Variants in WDR27 observed in about 807,000 individuals in gnomAD.
The protein encoded by WDR27 is WD repeat domain 27.
A neutral mutation model predicts 114.4 loss-of-function variants in WDR27; 100 were observed. The observed-to-expected ratio is 0.87, with a 90% CI of 0.74 to 1.03. The LOEUF is 1.03. Among genes scored for constraint, WDR27 ranks in the 50% least tolerant of loss-of-function variants. The pLI is 0.00. For missense variants in WDR27, 1,129 were observed against 1,092.9 expected, an observed-to-expected ratio of 1.03 and a Z score of -0.47; for synonymous variants, 449 against 423.1, an observed-to-expected ratio of 1.06 and a Z score of -0.75.
intron 2 of WDR27, among the ~76,000 whole-genome samples, chr6:169,687,372 T>C (rs1252050510): frequency 6.6e-6 from 1 of 151,692 alleles, no homozygotes; most frequent in East Asian, 1.9e-4. Context: ...TATAAAGAAC[T>C]CCTTCAAATC....
At chr6:169,628,573 A>G (rs1295317875) in intron 21 of WDR27, among the ~76,000 whole-genome samples, 1 of 152,196 alleles carries the variant, frequency 6.6e-6, no homozygotes, top group Non-Finnish European at 1.5e-5. Context: ...TCGTAAAACC[A>G]AAAGTTTTAT....
chr6:169,667,508 G>GT (rs1374200116), intron 5 of WDR27: 1 of 455,022 alleles, frequency 2.2e-6, no homozygotes, highest in African/African-American at 2.1e-5. Flanking sequence ...AGCGGAAACT[G>GT]TAGCAGTCTA....
At chr6:169,616,380 C>T (rs564856348) in intron 21 of WDR27, among the ~76,000 whole-genome samples, 13 of 152,050 alleles carry the variant, frequency 8.5e-5, no homozygotes, top group African/African-American at 2.4e-4. Flanking sequence ...CCCAGCTACT[C>T]AGGAGGCTGA....
At chr6:169,654,649 T>C (rs1823507787) in intron 13 of WDR27, among the ~76,000 whole-genome samples, 1 of 152,080 alleles carries the variant, frequency 6.6e-6, no homozygotes, top group Admixed American at 6.5e-5. Context: ...AGCAGCAGCT[T>C]TTGCTGCAAA....
chr6:169,594,362 T>C (rs1806366562), intron 23 of WDR27, among the ~76,000 whole-genome samples: 1 of 152,242 alleles, frequency 6.6e-6, no homozygotes, highest in Non-Finnish European at 1.5e-5. Flanking sequence ...CATAGATGTT[T>C]GATGTGCACT....
chr6:169,647,734 C>A, intron 16 of WDR27, 39 bp downstream of exon 16: 3 of 1,465,582 alleles, frequency 2.0e-6, no homozygotes, highest in South Asian at 2.4e-5. Context: ...AAGACTCTTA[C>A]AATGAAATGC....
chr6:169,564,697 G>A (rs1260025818), intron 25 of WDR27, among the ~76,000 whole-genome samples: 3 of 95,010 alleles, frequency 3.2e-5, no homozygotes, highest in Admixed American at 1.1e-4. Context: ...TGCTCACACT[G>A]GCTCCCACGA....
At chr6:169,569,980 A>G (rs1004646587) in intron 25 of WDR27, among the ~76,000 whole-genome samples, 3 of 152,206 alleles carry the variant, frequency 2.0e-5, no homozygotes, top group African/African-American at 4.8e-5. Flanking sequence ...GTTGGGTTTT[A>G]CTGGACTTAG....
chr6:169,450,776 G>C, the WDR27 span, among the ~76,000 whole-genome samples: 2 of 152,300 alleles, frequency 1.3e-5, no homozygotes, highest in East Asian at 3.9e-4. Context: ...GCGGTCCCGA[G>C]ATCCAGCGTG....
At chr6:169,588,893 G>A (rs1805159325) in intron 23 of WDR27, among the ~76,000 whole-genome samples, 1 of 152,178 alleles carries the variant, frequency 6.6e-6, no homozygotes, top group African/African-American at 2.4e-5. Context: ...TTTTATTGAG[G>A]AAACCATGAC....
At chr6:169,457,186 C>A, downstream of WDR27, 1 of 179,398 alleles carries the variant, frequency 5.6e-6, no homozygotes, top group Non-Finnish European at 1.2e-5. Context: ...CATGGGCCGA[C>A]TAATCAGAAG....
Position 169,579,997 on chromosome 6 carries a change from A to G in WDR27, c.2523+2839T>C, listed in dbSNP as rs140793478. On this transcript the variant is annotated intron_variant, in intron 24 of 25. Coordinates refer to ENST00000448612, the MANE Select transcript of WDR27 (RefSeq NM_182552.5). ...TCAATAAAGAAAGTAGCAATCCCCC[A>G]AGTGTGAGCTATGCTCTCACCGTTT... is the stretch of plus-strand genomic sequence containing the variant. Among the ~76,000 whole-genome samples the G allele has an allele frequency of 2.0e-5, 3 of 152,208 alleles. No homozygotes were observed. The East Asian group carries it at 5.8e-4, about 29-fold the overall frequency.
At chr6:169,513,991 C>T (rs1793288474) in intron 25 of WDR27, among the ~76,000 whole-genome samples, 2 of 152,094 alleles carry the variant, frequency 1.3e-5, no homozygotes, top group African/African-American at 4.8e-5. Flanking sequence ...AACTGCGGGA[C>T]ATACAATTAG....
At chr6:169,433,560 T>C in the WDR27 span, among the ~76,000 whole-genome samples, 1 of 152,218 alleles carries the variant, frequency 6.6e-6, no homozygotes. Context: ...TATGTGTGCA[T>C]GTGTCTTTAT....
chr6:169,430,945 A>G, the WDR27 span, among the ~76,000 whole-genome samples: 1 of 152,164 alleles, frequency 6.6e-6, no homozygotes. Flanking sequence ...TCCTGCCCAT[A>G]TAAACTATAG....
intron 16 of WDR27, among the ~76,000 whole-genome samples, chr6:169,645,090 GA>G (rs1820315306): frequency 8.9e-6 from 1 of 111,944 alleles, no homozygotes; most frequent in Non-Finnish European, 1.9e-5. Flanking sequence ...TCACGCTGTA[GA>G]AAAGCCTAGT....
chr6:169,674,384 T>C (rs1259668792), intron 2 of WDR27, among the ~76,000 whole-genome samples: 7 of 152,298 alleles, frequency 4.6e-5, no homozygotes, highest in Non-Finnish European at 1.0e-4. Context: ...ATAGAAGATA[T>C]TTAAAAGTCC....
At chr6:169,480,363 C>T (rs193203021) in intron 25 of WDR27, among the ~76,000 whole-genome samples, 9 of 152,314 alleles carry the variant, frequency 5.9e-5, no homozygotes, top group African/African-American at 1.2e-4. Flanking sequence ...GCCTCCCTGA[C>T]GGGCACCACC....
chr6:169,601,670 C>T (rs1334852220), intron 23 of WDR27, among the ~76,000 whole-genome samples: 1 of 152,214 alleles, frequency 6.6e-6, no homozygotes, highest in East Asian at 1.9e-4. Flanking sequence ...AGGGTTAAGC[C>T]TCCAAGTTTG....
Sources: allele counts gnomAD v4.1 joint callset (sites outside exome capture counted in the v4.1 genomes callset), GRCh38; gene constraint gnomAD v4.1.1; transcripts MANE v1.5; gene names NCBI Gene and HGNC (gene_info 2026-07-23, HGNC 2026-07-21).